OPRD1: variants seen among roughly 807,000 people sequenced by gnomAD.
OPRD1 encodes delta-type opioid receptor.
OPRD1 carries 19 observed loss-of-function variants against 17.5 expected under a neutral mutation model. The observed-to-expected ratio is 1.09, with a 90% CI of 0.76 to 1.60. The LOEUF is 1.60. Among genes scored for constraint, OPRD1 ranks in the 40% most tolerant of loss-of-function variants. OPRD1 has a pLI of 0.00. For synonymous variants in OPRD1, 256 were observed against 240.9 expected (o/e 1.06, Z -0.58); for missense variants, 483 against 547.2 (o/e 0.88, Z 1.17).
intron 2 of OPRD1, among the ~76,000 whole-genome samples, chr1:28,860,574 C>T (rs749358056): frequency 7.2e-5 from 11 of 152,146 alleles, no homozygotes; most frequent in East Asian, 1.9e-4. Flanking sequence ...CCTGGCTCAT[C>T]GCCAAGGCCC....
chr1:28,842,122 C>T (rs2088901241), intron 1 of OPRD1, among the ~76,000 whole-genome samples: 1 of 151,964 alleles, frequency 6.6e-6, no homozygotes, highest in Admixed American at 6.6e-5. Flanking sequence ...CTCAACCTCC[C>T]AGACTCAAGC....
At chr1:28,839,697 A>G (rs990048485) in intron 1 of OPRD1, among the ~76,000 whole-genome samples, 2 of 151,442 alleles carry the variant, frequency 1.3e-5, no homozygotes, top group African/African-American at 2.4e-5. Flanking sequence ...CATCAGTGGG[A>G]AAAAAAAACC....
At chr1:28,832,707 C>T (rs1466765287) in intron 1 of OPRD1, among the ~76,000 whole-genome samples, 1 of 151,978 alleles carries the variant, frequency 6.6e-6, no homozygotes, top group African/African-American at 2.4e-5. Flanking sequence ...CAGTTCTGTT[C>T]ATTCTACACT....
intron 1 of OPRD1, among the ~76,000 whole-genome samples, chr1:28,842,324 CG>C (rs2088902847): frequency 6.6e-6 from 1 of 152,200 alleles, no homozygotes; most frequent in Non-Finnish European, 1.5e-5. Context: ...CCACTGCACC[CG>C]GCCTGAGCAC....
chr1:28,861,010 A>G (rs1349841250), intron 2 of OPRD1, among the ~76,000 whole-genome samples: 1 of 151,982 alleles, frequency 6.6e-6, no homozygotes, highest in Non-Finnish European at 1.5e-5. Flanking sequence ...AATCCCTCAC[A>G]CACACACTTT....
At chr1:28,853,044 CAAAT>C (rs2089022399) in intron 1 of OPRD1, among the ~76,000 whole-genome samples, 1 of 152,100 alleles carries the variant, frequency 6.6e-6, no homozygotes, top group African/African-American at 2.4e-5. Context: ...TAGAAACAAA[CAAAT>C]AAACAACTAT....
At chr1:28,845,869 G>T (rs142084052) in intron 1 of OPRD1, among the ~76,000 whole-genome samples, 108 of 152,266 alleles carry the variant, frequency 7.1e-4, no homozygotes, top group African/African-American at 2.5e-3. Flanking sequence ...TAGAAAGTTG[G>T]GTCTCTGGCT....
In OPRD1 at chr1:28,863,188, C is replaced by T. The variant is rs2089141685; in HGVS notation, c.1024C>T (p.Pro342Ser). Residue 342 changes from proline (P) to serine (S), a missense_variant, in exon 3 of 3, where the codon CCC (proline) becomes TCC (serine). Coordinates refer to ENST00000234961, the MANE Select transcript of OPRD1 (RefSeq NM_000911.4). The stretch of plus-strand genomic sequence containing the variant: ...CCGCAAGCCCTGCGGCCGCCCAGAC[C>T]CCAGCAGCTTCAGCCGCGCCCGCGA... ...LCRKPCGRPD[P>S]SSFSRAREAT... The T allele has an allele frequency of 6.3e-7, 1 of 1,595,820 alleles. No individual in the cohort carries two copies. The highest frequency in any genetic ancestry group is 8.5e-7 in the Non-Finnish European group (1 of 1,176,180).
chr1:28,849,929 G>A (rs1024384868), intron 1 of OPRD1, among the ~76,000 whole-genome samples: 1 of 148,872 alleles, frequency 6.7e-6, no homozygotes, highest in Non-Finnish European at 1.5e-5. Context: ...GCCCAGGCTG[G>A]AGTGCAGTGG....
intron 2 of OPRD1, among the ~76,000 whole-genome samples, chr1:28,862,119 G>A (rs982465520): frequency 3.3e-5 from 5 of 151,526 alleles, no homozygotes; most frequent in African/African-American, 1.2e-4. Flanking sequence ...GGGTTTTACC[G>A]TGTTAGCCAG....
At chr1:28,846,894 TC>T (rs61173180) in intron 1 of OPRD1, among the ~76,000 whole-genome samples, 1,466 of 41,124 alleles carry the variant, frequency 0.036, 27 homozygotes, top group African/African-American at 0.069. Flanking sequence ...TTCTTTCTTT[TC>T]TCTTTCTTTC....
chr1:28,841,441 A>C (rs914792567), intron 1 of OPRD1, among the ~76,000 whole-genome samples: 17 of 152,220 alleles, frequency 1.1e-4, no homozygotes, highest in African/African-American at 3.1e-4. Context: ...GAAACCAGAT[A>C]GATATGCGCT....
chr1:28,812,709 C>G, intron 1 of OPRD1, 99 bp downstream of exon 1: 1 of 1,119,712 alleles, frequency 8.9e-7, no homozygotes, highest in South Asian at 1.9e-5. Context: ...ACTCCCCGCG[C>G]CTCCGCATTT....
rs535844446 is a variant in OPRD1 at position 28,863,266 on chromosome 1, G to A, written c.1102G>A (p.Gly368Ser). Residue 368 changes from glycine (G) to serine (S), a missense_variant, in exon 3 of 3, where the codon GGT becomes AGT. Physicochemically the swap from Gly to Ser is moderately conservative, Grantham distance 56. Transcript: ENST00000234961. ...TACTPSDGPG[G>S]GAAA ...CTGCACCCCGTCCGATGGTCCCGGC[G>A]GTGGCGCTGCCGCCTGACCAGGCCA... is the stretch of plus-strand genomic sequence containing the variant. 6.8e-7 allele frequency: 1 copy of A among 1,465,362 alleles called. No individual in the cohort carries two copies. The highest frequency in any genetic ancestry group is 1.4e-5 in the African/African-American group (1 of 69,442). 90.8% of individuals were successfully genotyped at this position (1,465,362 alleles called of 1,614,324 possible).
At chr1:28,848,333 A>G (rs2088970746) in intron 1 of OPRD1, among the ~76,000 whole-genome samples, 1 of 152,164 alleles carries the variant, frequency 6.6e-6, no homozygotes, top group Non-Finnish European at 1.5e-5. Context: ...AACTGAATTC[A>G]GTTCATAGCA....
At chr1:28,820,099 A>G (rs2088699896) in intron 1 of OPRD1, among the ~76,000 whole-genome samples, 1 of 152,188 alleles carries the variant, frequency 6.6e-6, no homozygotes, top group Non-Finnish European at 1.5e-5. Flanking sequence ...TATGTGGTCA[A>G]TAAACATCTT....
In OPRD1 at chr1:28,821,033, T is replaced by C. The variant is rs542030324; in HGVS notation, c.227+8423T>C. ...ATCCTACCACAGAGAAAAGAGCTTTTTCATTTTGGTGTGTTTCCTTCCCAT... is the reference window on the plus strand; with the variant it reads ...ATCCTACCACAGAGAAAAGAGCTTTCTCATTTTGGTGTGTTTCCTTCCCAT... On this transcript the variant is annotated intron_variant, in intron 1 of 2. Transcript: ENST00000234961. Among the ~76,000 whole-genome samples, 5 of 152,304 alleles carry C rather than the reference T, an allele frequency of 3.3e-5. No homozygotes were observed. The East Asian group carries it at 9.6e-4, about 29-fold the overall frequency.
chr1:28,847,341 C>T (rs901226885), intron 1 of OPRD1, among the ~76,000 whole-genome samples: 3 of 152,060 alleles, frequency 2.0e-5, no homozygotes, highest in Non-Finnish European at 2.9e-5. Context: ...CGTGAGCTAC[C>T]GCGCCCAGCC....
chr1:28,863,177 G>T lies in OPRD1; in HGVS notation c.1013G>T (p.Gly338Val). Residue 338 changes from glycine (G) to valine (V), a missense_variant, in exon 3 of 3, where the codon GGC becomes GTC. Coordinates refer to ENST00000234961, the MANE Select transcript of OPRD1 (RefSeq NM_000911.4). ...CFRQLCRKPC[G>V]RPDPSSFSRA... ...CGCCAGCTCTGCCGCAAGCCCTGCGGCCGCCCAGACCCCAGCAGCTTCAGC... is the reference window on the plus strand; with the variant it reads ...CGCCAGCTCTGCCGCAAGCCCTGCGTCCGCCCAGACCCCAGCAGCTTCAGC... The T allele has an allele frequency of 1.3e-6, 2 of 1,599,372 alleles. No homozygotes were observed. Among genetic ancestry groups the T allele is most frequent in the Non-Finnish European group, 1.7e-6 (2 of 1,177,214 alleles).
Sources: gnomAD v4.1 joint callset for allele counts (sites outside exome capture counted in the v4.1 genomes callset) on GRCh38, gnomAD v4.1.1 for gene constraint, MANE v1.5 for transcripts, NCBI Gene and HGNC (gene_info 2026-07-23, HGNC 2026-07-21) for gene names.